The following TNC variants were observed in gnomAD, a reference collection of about 807,000 sequenced individuals.
TNC encodes tenascin C, also known as tenascin.
TNC carries 109 observed loss-of-function variants against 202.4 expected under a neutral mutation model. The observed-to-expected ratio is 0.54, with a 90% CI of 0.46 to 0.63. The LOEUF (loss-of-function observed/expected upper bound fraction) is 0.63. Among genes scored for constraint, TNC ranks in the 30% least tolerant of loss-of-function variants. The pLI is 0.00. For missense variants in TNC, 2,756 were observed against 2,833.3 expected, an observed-to-expected ratio of 0.97 and a Z score of 0.62; for synonymous variants, 1,007 against 1,089.7, an observed-to-expected ratio of 0.92 and a Z score of 1.50.
intron 1 of TNC, among the ~76,000 whole-genome samples, chr9:115,099,062 G>C (rs1836016421): frequency 1.3e-5 from 2 of 150,648 alleles, no homozygotes; most frequent in African/African-American, 4.9e-5. Context: ...CCTAACCCTA[G>C]GTGTTTGAAG....
rs1471446088 is a variant in TNC, at chr9:115,082,727, C to G, written c.2212G>C (p.Ala738Pro). 1.9e-6 allele frequency: 3 copies of G among 1,613,962 alleles called. No homozygotes were observed. The highest frequency in any genetic ancestry group is 2.5e-6 in the Non-Finnish European group (3 of 1,179,944). ...VEVEWDPLDI[A>P]FETWEIIFRN... ...AAGATGATCTCCCAGGTTTCAAAAGCAATGTCTAGAGGATCCCACTCCACT... is the reference window on the plus strand; with the variant it reads ...AAGATGATCTCCCAGGTTTCAAAAGGAATGTCTAGAGGATCCCACTCCACT... Residue 738 changes from alanine (A) to proline (P), a missense_variant, in exon 5 of 28, where the codon GCT (alanine) becomes CCT (proline). Around this residue, in one of 2 missense-constraint regions of TNC, gnomAD observed 2,559 missense variants for 2,546.0 expected, o/e 1.01. Coordinates refer to ENST00000350763, the MANE Select transcript of TNC (RefSeq NM_002160.4).
In TNC at chr9:115,085,942, C is replaced by T. The variant is rs753275548; in HGVS notation, c.1789G>A (p.Asp597Asn). Residue 597 changes from aspartate (D) to asparagine (N), a missense_variant, in exon 3 of 28, where the codon GAC becomes AAC. By Grantham distance (23) the Asp-to-Asn change is conservative. Coordinates refer to ENST00000350763, the MANE Select transcript of TNC (RefSeq NM_002160.4). Reference protein sequence around the residue: ...LDCGQHSCPSDCNNLGQCVSG... With the variant: ...LDCGQHSCPSNCNNLGQCVSG... The stretch of plus-strand genomic sequence containing the variant: ...ACGCATTGTCCTAAGTTGTTGCAGT[C>T]ACTGGGGCAGGAGTGCTGGCCACAG... 10 of 1,613,888 alleles carry T rather than the reference C, an allele frequency of 6.2e-6. No homozygotes were observed. The Admixed American group carries it at 8.3e-5, about 13-fold the overall frequency.
chr9:115,082,040 T>C, intron 5 of TNC, 112 bp from the exon 6 acceptor site: 1 of 1,027,080 alleles, frequency 9.7e-7, no homozygotes, highest in Non-Finnish European at 1.4e-6. Context: ...CATCGATTCA[T>C]TAGGCACTTA....
chr9:115,078,240 T>C, intron 6 of TNC, 28 bp from the exon 7 acceptor site: 3 of 1,583,648 alleles, frequency 1.9e-6, no homozygotes, highest in Non-Finnish European at 2.6e-6. Flanking sequence ...CAGAGAGGCT[T>C]CAGAGGTTAG....
At chr9:115,037,505 T>C (rs1324279399) in intron 20 of TNC, among the ~76,000 whole-genome samples, 1 of 152,146 alleles carries the variant, frequency 6.6e-6, no homozygotes, top group Non-Finnish European at 1.5e-5. Flanking sequence ...AGAAAACATT[T>C]CTGTTTTATT....
chr9:115,101,056 TTCTG>T (rs1452841995), intron 1 of TNC, among the ~76,000 whole-genome samples: 3 of 152,178 alleles, frequency 2.0e-5, no homozygotes, highest in Non-Finnish European at 2.9e-5. Flanking sequence ...TTTTTTACTT[TTCTG>T]TCTATCTATC....
At chr9:115,023,900 T>C in intron 27 of TNC, 73 bp downstream of exon 27, 1 of 1,522,354 alleles carries the variant, frequency 6.6e-7, no homozygotes. Flanking sequence ...GGATAGGGAG[T>C]TAAATTGTAC....
At chr9:115,050,790 G>T (rs555419064) in intron 15 of TNC, among the ~76,000 whole-genome samples, 8 of 152,108 alleles carry the variant, frequency 5.3e-5, no homozygotes, top group African/African-American at 1.9e-4. Context: ...ATGAGACAAG[G>T]CTCCCAGAAG....
chr9:115,100,054 G>T (rs1451573109), intron 1 of TNC, among the ~76,000 whole-genome samples: 2 of 152,204 alleles, frequency 1.3e-5, no homozygotes, highest in African/African-American at 4.8e-5. Context: ...CCCTGGCCAA[G>T]GTTCCTCAGG....
intron 13 of TNC, among the ~76,000 whole-genome samples, chr9:115,061,698 T>C (rs933522904): frequency 6.6e-6 from 1 of 152,204 alleles, no homozygotes; most frequent in Admixed American, 6.5e-5. Flanking sequence ...GCAGCATATG[T>C]AGAGTGGGGC....
intron 25 of TNC, among the ~76,000 whole-genome samples, chr9:115,029,132 C>T (rs978083640): frequency 2.0e-5 from 3 of 150,956 alleles, no homozygotes; most frequent in Admixed American, 6.6e-5. Context: ...CTAAGTAAAC[C>T]TCTAAATTGA....
In TNC at chr9:115,060,030, A is replaced by C. The variant is rs762891064; in HGVS notation, c.4034-28T>G. ...GAAGAAGGACAGAAAAGTATTTGTC[A>C]GTTCTATAAACCAAAAATGAGGAAA... On this transcript the variant is annotated intron_variant, in intron 13 of 27. Transcript: ENST00000350763. 20 of 1,573,518 alleles carry C rather than the reference A, an allele frequency of 1.3e-5. No individual in the cohort carries two copies. The South Asian group carries it at 1.9e-4, about 15-fold the overall frequency.
chr9:115,084,050 A>T (rs1391118153), intron 4 of TNC, among the ~76,000 whole-genome samples, 159 bp downstream of exon 4: 1 of 152,162 alleles, frequency 6.6e-6, no homozygotes, highest in Non-Finnish European at 1.5e-5. Flanking sequence ...AAAATGAGGG[A>T]TTTCTTTAAT....
At chr9:115,023,686 C>T (rs1221211285) in intron 27 of TNC, among the ~76,000 whole-genome samples, 1 of 152,200 alleles carries the variant, frequency 6.6e-6, no homozygotes, top group Non-Finnish European at 1.5e-5. Context: ...ATCTGCTTTA[C>T]TTTTGGGGTT....
At chr9:115,102,405 A>T (rs1836303140) in intron 1 of TNC, among the ~76,000 whole-genome samples, 1 of 152,224 alleles carries the variant, frequency 6.6e-6, no homozygotes, top group Non-Finnish European at 1.5e-5. Context: ...TACATTTGGG[A>T]TGCTTCCATT....
At chr9:115,085,697 G>A (rs1834657428) in intron 3 of TNC, among the ~76,000 whole-genome samples, 167 bp downstream of exon 3, 1 of 152,222 alleles carries the variant, frequency 6.6e-6, no homozygotes, top group Non-Finnish European at 1.5e-5. Flanking sequence ...CGGAATGACA[G>A]GGCCCCCTTA....
At chr9:115,061,320 T>G (rs1832527627) in intron 13 of TNC, among the ~76,000 whole-genome samples, 1 of 152,214 alleles carries the variant, frequency 6.6e-6, no homozygotes, top group Admixed American at 6.5e-5. Flanking sequence ...AGAAGAACTG[T>G]GTTGAGAACA....
Position 115,086,012 on chromosome 9 carries a change from G to C in TNC, c.1719C>G (p.Cys573Trp), listed in dbSNP as rs141544394. 6.2e-7 allele frequency: 1 copy of C among 1,613,844 alleles called. No individual in the cohort carries two copies. Among genetic ancestry groups the C allele is most frequent in the Non-Finnish European group, 8.5e-7 (1 of 1,179,912 alleles). Residue 573 changes from cysteine (C) to tryptophan (W), a missense_variant, in exon 3 of 28, where the codon TGC becomes TGG. Coordinates refer to ENST00000350763, the MANE Select transcript of TNC (RefSeq NM_002160.4). ...CGTGGCAGATGCACTGGCCGTCCAC[G>C]CAGCGGCCCTGGCCATGACAGTCAC... ...CPSDCHGQGR[C>W]VDGQCICHEG... is the part of the protein sequence containing the mutation.
At position 115,069,766 on chromosome 9, in the gene TNC, C is replaced by T. The variant is rs1183736160; in HGVS notation, c.3214+3837G>A. ...TCCCTCCCTCCCTCCCTCCCTCCCTCCCTCCCTCCCTTCCTTCCTTCCTTC... is the reference window on the plus strand; with the variant it reads ...TCCCTCCCTCCCTCCCTCCCTCCCTTCCTCCCTCCCTTCCTTCCTTCCTTC... On this transcript the variant is annotated intron_variant, in intron 10 of 27. Transcript: ENST00000350763. Among the ~76,000 whole-genome samples the T allele has an allele frequency of 7.1e-4, 12 of 16,858 alleles. 1 individual carries two copies. Among genetic ancestry groups the T allele is most frequent in the South Asian group, 4.2e-3 (1 of 236 alleles). The allele number at this position is 16,858 out of a possible 152,430, so 11.1% of individuals were successfully genotyped here. A position where few individuals can be genotyped will look rare whatever the true frequency, so the allele number is the denominator to read the frequency against.
Sources: gnomAD v4.1 joint callset for allele counts (sites outside exome capture counted in the v4.1 genomes callset) on GRCh38, gnomAD v4.1.1 for gene constraint, gnomAD v4.1.1 regional missense constraint, MANE v1.5 for transcripts, NCBI Gene and HGNC (gene_info 2026-07-23, HGNC 2026-07-21) for gene names.